SGO2: variants seen among roughly 807,000 people sequenced by gnomAD.
The protein encoded by SGO2 is shugoshin-like 2.
SGO2 carries 68 observed loss-of-function variants against 99.5 expected under a neutral mutation model. That is an observed-to-expected ratio of 0.68 (90% CI 0.56 to 0.84). SGO2 has a LOEUF of 0.84. Among genes scored for constraint, SGO2 ranks in the 40% least tolerant of loss-of-function variants. SGO2 has a pLI of 0.00. For synonymous variants in SGO2, 457 were observed against 487.1 expected (o/e 0.94, Z 0.81); for missense variants, 1,350 against 1,436.7 (o/e 0.94, Z 0.97).
intron 5 of SGO2, among the ~76,000 whole-genome samples, chr2:200,550,309 A>G (rs1234790953): frequency 6.6e-6 from 1 of 152,218 alleles, no homozygotes; most frequent in Admixed American, 6.5e-5. Context: ...ATTTGTATCA[A>G]AATACCAATG....
intron 5 of SGO2, among the ~76,000 whole-genome samples, chr2:200,557,161 C>T (rs1406939378): frequency 6.6e-6 from 1 of 152,122 alleles, no homozygotes; most frequent in Non-Finnish European, 1.5e-5. Flanking sequence ...CCCATAATGC[C>T]AAATTTGTTC....
intron 3 of SGO2, among the ~76,000 whole-genome samples, 200 bp from the exon 4 acceptor site, chr2:200,535,865 G>A (rs925782096): frequency 1.2e-4 from 18 of 151,938 alleles, no homozygotes; most frequent in Non-Finnish European, 1.3e-4. Context: ...TGTATGATAT[G>A]TATGACTATT....
chr2:200,540,070 A>G lies in SGO2; in HGVS notation c.388-2509A>G, dbSNP rs574969248. 3.3e-5 allele frequency among the ~76,000 whole-genome samples: 5 copies of G among 151,246 alleles called. No individual in the cohort carries two copies. In the South Asian group the frequency reaches 6.3e-4, roughly 19 times the overall value. On this transcript the variant is annotated intron_variant, in intron 4 of 8. Transcript: ENST00000357799. ...TTCTGAGCTCCATTCGGCTCTTTGTATCTATTTGTTTGCTGAGATGTTCCA... is the reference window on the plus strand; with the variant it reads ...TTCTGAGCTCCATTCGGCTCTTTGTGTCTATTTGTTTGCTGAGATGTTCCA...
At chr2:200,539,467 T>C (rs571932157) in intron 4 of SGO2, among the ~76,000 whole-genome samples, 31 of 152,216 alleles carry the variant, frequency 2.0e-4, no homozygotes, top group African/African-American at 7.0e-4. Flanking sequence ...GAATCATCTT[T>C]CTAATTTAAT....
rs1249708334 is a variant in SGO2, at chr2:200,575,335, C to G, written c.3656C>G (p.Ser1219Ter). ...GIGDRPLQDL[S>*]NTSFVSNNTA... ...GGTGATAGACCATTACAGGACTTGT[C>G]AAATACCAGTTTTGTTTCAAATAAC... Residue 1219 changes from serine to a stop codon, truncating the protein, a stop_gained, in exon 8 of 9, where the codon TCA (serine) becomes TGA (stop). Coordinates refer to ENST00000357799, the MANE Select transcript of SGO2 (RefSeq NM_152524.6). LOFTEE classifies it high-confidence loss of function. 1.2e-6 allele frequency: 2 copies of G among 1,601,162 alleles called. No homozygotes were observed. Among genetic ancestry groups the G allele is most frequent in the Admixed American group, 3.4e-5 (2 of 58,846 alleles).
chr2:200,556,820 C>CGAGA (rs57636355), intron 5 of SGO2, among the ~76,000 whole-genome samples: 1 of 149,724 alleles, frequency 6.7e-6, no homozygotes, highest in Admixed American at 6.7e-5. Context: ...AACTCCTGGC[C>CGAGA]GAGAGAGAGA....
rs1376370407 is a variant in SGO2 at position 200,571,430 on chromosome 2, G to C, written c.1084G>C (p.Asp362His). The C allele has an allele frequency of 6.2e-7, 1 of 1,610,692 alleles. No homozygotes were observed. The highest frequency in any genetic ancestry group is 8.5e-7 in the Non-Finnish European group (1 of 1,178,040). Reference sequence around the variant, plus strand: ...CTTTCAATTGCAGAAAACTGTGTATGATGCTGACATGGATTTAACTGCTAG... The same window carrying C: ...CTTTCAATTGCAGAAAACTGTGTATCATGCTGACATGGATTTAACTGCTAG... Reference protein sequence around the residue: ...DDFQLQKTVYDADMDLTASEV... With the variant: ...DDFQLQKTVYHADMDLTASEV... Residue 362 changes from aspartate (D) to histidine (H), a missense_variant, in exon 7 of 9, where the codon GAT (aspartate) becomes CAT (histidine). Physicochemically the swap from Asp to His is moderately conservative, Grantham distance 81. Coordinates refer to ENST00000357799, the MANE Select transcript of SGO2 (RefSeq NM_152524.6).
intron 5 of SGO2, among the ~76,000 whole-genome samples, chr2:200,556,409 GA>G (rs1559208247): frequency 6.6e-6 from 1 of 152,202 alleles, no homozygotes; most frequent in Non-Finnish European, 1.5e-5. Context: ...CCTCCCAGGT[GA>G]AACCAATAAG....
In SGO2 at chr2:200,572,818, A is replaced by C; in HGVS notation, c.2472A>C (p.Gln824His). 2 of 1,611,750 alleles carry C rather than the reference A, an allele frequency of 1.2e-6. No homozygotes were observed. Among genetic ancestry groups the C allele is most frequent in the South Asian group, 2.2e-5 (2 of 90,498 alleles). ...CAGAAATAATTCCTGAAACCAACCA[A>C]ATATATGAGAATGATAACAAAGGTG... Reference protein sequence around the residue: ...QKSEIIPETNQIYENDNKGVH... With the variant: ...QKSEIIPETNHIYENDNKGVH... The change falls in exon 7 of 9, where the codon CAA (glutamine) becomes CAC (histidine). Residue 824 changes from glutamine to histidine, a missense_variant. By Grantham distance (24) the Gln-to-His change is conservative (BLOSUM62 0). Coordinates refer to ENST00000357799, the MANE Select transcript of SGO2 (RefSeq NM_152524.6).
At chr2:200,535,387 A>G (rs1476304078) in intron 3 of SGO2, among the ~76,000 whole-genome samples, 1 of 152,178 alleles carries the variant, frequency 6.6e-6, no homozygotes, top group East Asian at 1.9e-4. Flanking sequence ...TGTGCTGTGT[A>G]AACCAGTATA....
chr2:200,583,475 T>C lies in SGO2; in HGVS notation c.*11T>C, dbSNP rs1386619448. 1.9e-6 allele frequency: 3 copies of C among 1,585,500 alleles called. No individual in the cohort carries two copies. Among genetic ancestry groups the C allele is most frequent in the African/African-American group, 2.7e-5 (2 of 73,878 alleles). ...AAGATGAGAAGATGAAGTGAATTTATGGATTCTGGTTTTTCTGAATTTTCA... is the reference window on the plus strand; with the variant it reads ...AAGATGAGAAGATGAAGTGAATTTACGGATTCTGGTTTTTCTGAATTTTCA... On this transcript the variant is annotated 3_prime_UTR_variant, in exon 9 of 9. Transcript: ENST00000357799.
chr2:200,538,915 TGTTA>T (rs1179534942), intron 4 of SGO2, among the ~76,000 whole-genome samples: 2 of 152,138 alleles, frequency 1.3e-5, no homozygotes, highest in East Asian at 3.8e-4. Flanking sequence ...ATTTTTCTAT[TGTTA>T]GTTATAAGTG....
intron 5 of SGO2, among the ~76,000 whole-genome samples, chr2:200,555,367 A>C (rs1325512530): frequency 6.6e-6 from 1 of 152,196 alleles, no homozygotes; most frequent in Non-Finnish European, 1.5e-5. Context: ...TTCTATTTCA[A>C]GCATACACTT....
chr2:200,580,624 G>A lies in SGO2; in HGVS notation c.3783-2825G>A, dbSNP rs995128332. ...AGGTGAGAGGATCACTTGAGCCCAAGAGTCGGAGACCAGCCTGGGCAACAC... is the reference window on the plus strand; with the variant it reads ...AGGTGAGAGGATCACTTGAGCCCAAAAGTCGGAGACCAGCCTGGGCAACAC... On this transcript the variant is annotated intron_variant, in intron 8 of 8. Coordinates refer to ENST00000357799, the MANE Select transcript of SGO2 (RefSeq NM_152524.6). The A allele has an allele frequency of 1.0e-5, 3 of 290,114 alleles. No homozygotes were observed. In the East Asian group the frequency reaches 4.3e-4, roughly 41 times the overall value. The allele number at this position is 290,114 out of a possible 1,614,324, so 18.0% of individuals were successfully genotyped here.
intron 8 of SGO2, among the ~76,000 whole-genome samples, chr2:200,582,331 T>A (rs937926729): frequency 6.6e-5 from 10 of 152,080 alleles, no homozygotes; most frequent in Admixed American, 4.6e-4. Flanking sequence ...TTCACAACCC[T>A]ATGGGGCTAG....
At chr2:200,533,287 G>T in intron 2 of SGO2, 179 bp downstream of exon 2, 1 of 580,028 alleles carries the variant, frequency 1.7e-6, no homozygotes, top group Non-Finnish European at 2.7e-6. Context: ...GGGTGGTTTT[G>T]ATGATTTACC....
rs369562184 is a variant in SGO2 at position 200,554,533 on chromosome 2, CTTAG to C, written c.473+11874_473+11877del. Among the ~76,000 whole-genome samples the C allele has an allele frequency of 1.5e-3, 234 of 152,248 alleles. 1 individual carries two copies. The highest frequency in any genetic ancestry group is 5.2e-3 in the African/African-American group (217 of 41,554). On this transcript the variant is annotated intron_variant, in intron 5 of 8. Transcript: ENST00000357799. ...CAATTGTCTGTAGGTGACAAAAAGT[CTTAG>C]TTAGGACAACCATTATTAAAGCCAC...
At chr2:200,560,480 A>G (rs2032896728) in intron 5 of SGO2, among the ~76,000 whole-genome samples, 1 of 151,932 alleles carries the variant, frequency 6.6e-6, no homozygotes, top group Non-Finnish European at 1.5e-5. Flanking sequence ...CTGAGTTTTT[A>G]TAATGATTTG....
chr2:200,574,447 C>G (rs748050461), intron 7 of SGO2, among the ~76,000 whole-genome samples: 1 of 151,918 alleles, frequency 6.6e-6, no homozygotes, highest in Non-Finnish European at 1.5e-5. Flanking sequence ...CAATACCAAC[C>G]CCCTTTCCTC....
Sources: allele counts gnomAD v4.1 joint callset (sites outside exome capture counted in the v4.1 genomes callset), GRCh38; gene constraint gnomAD v4.1.1; transcripts MANE v1.5; gene names NCBI Gene and HGNC (gene_info 2026-07-23, HGNC 2026-07-21).